Variants in C2orf92 observed in about 807,000 individuals in gnomAD.
C2orf92 encodes uncharacterized protein C2orf92.
intron 2 of C2orf92, 153 bp from the exon 3 acceptor site, chr2:97,675,692 T>C: frequency 5.0e-6 from 2 of 396,886 alleles, no homozygotes; most frequent in Non-Finnish European, 4.4e-6. Context: ...TTGCAGACAC[T>C]TCATGAATGC....
chr2:97,702,977 G>T lies in C2orf92; in HGVS notation c.*176G>T, dbSNP rs1158344639. The T allele has an allele frequency of 5.1e-6, 2 of 393,416 alleles. No individual in the cohort carries two copies. Among genetic ancestry groups the T allele is most frequent in the Admixed American group, 8.9e-5 (2 of 22,556 alleles). 24.4% of individuals were successfully genotyped at this position (393,416 alleles called of 1,614,324 possible). On this transcript the variant is annotated 3_prime_UTR_variant, in exon 8 of 8. Transcript: ENST00000627399. ...AAAACTGCTTTACCATAGGACACTT[G>T]TGGCAATATGGCACCGATGGCTGGC...
At chr2:97,680,170 A>G (rs548649130) in intron 3 of C2orf92, among the ~76,000 whole-genome samples, 1 of 151,772 alleles carries the variant, frequency 6.6e-6, no homozygotes, top group African/African-American at 2.4e-5. Context: ...GTGATGGTGC[A>G]TGCCTGTAAT....
chr2:97,681,106 C>CAAAAAAAAAAAA, intron 3 of C2orf92, among the ~76,000 whole-genome samples: 1 of 11,968 alleles, frequency 8.4e-5, no homozygotes, highest in South Asian at 4.5e-3. Context: ...GACTCCATCT[C>CAAAAAAAAAAAA]AAAAAAAAAA....
upstream of C2orf92, among the ~76,000 whole-genome samples, chr2:97,667,505 T>A (rs2104524322): frequency 6.7e-6 from 1 of 149,356 alleles, no homozygotes; most frequent in African/African-American, 2.5e-5. Flanking sequence ...CGGTCTCGGC[T>A]CACTGCAAGC....
At chr2:97,699,175 T>A in intron 6 of C2orf92, 39 bp downstream of exon 6, 1 of 398,484 alleles carries the variant, frequency 2.5e-6, no homozygotes. Context: ...GTATGATGCT[T>A]AAATACGGAC....
chr2:97,696,037 C>T (rs1350554782), intron 5 of C2orf92, among the ~76,000 whole-genome samples: 2 of 152,186 alleles, frequency 1.3e-5, no homozygotes, highest in African/African-American at 4.8e-5. Flanking sequence ...ATCTGTCCTA[C>T]CCAGTGGGAA....
Position 97,699,889 on chromosome 2 carries a change from T to C in C2orf92, c.514+753T>C, listed in dbSNP as rs974951365. 1.1e-4 allele frequency among the ~76,000 whole-genome samples: 16 copies of C among 152,260 alleles called. 1 individual carries two copies. The highest frequency in any genetic ancestry group is 2.4e-4 in the Non-Finnish European group (16 of 68,056). On this transcript the variant is annotated intron_variant, in intron 6 of 7. Coordinates refer to ENST00000627399, the MANE Select transcript of C2orf92 (RefSeq NM_001351368.2). Reference sequence around the variant, plus strand: ...AGAGCCTTAGAGCTGCTGGATACGCTGCCTCTTGGCATAGCATAGCTGAAG... The same window carrying C: ...AGAGCCTTAGAGCTGCTGGATACGCCGCCTCTTGGCATAGCATAGCTGAAG...
chr2:97,683,634 G>T (rs931853914), intron 3 of C2orf92, among the ~76,000 whole-genome samples: 4 of 148,914 alleles, frequency 2.7e-5, no homozygotes, highest in Non-Finnish European at 5.9e-5. Context: ...CCCAGCAAAA[G>T]AAAAATCTAC....
chr2:97,681,005 G>T (rs1385583481), intron 3 of C2orf92, among the ~76,000 whole-genome samples: 1 of 149,790 alleles, frequency 6.7e-6, no homozygotes, highest in Non-Finnish European at 1.5e-5. Context: ...TACTTGGGAG[G>T]TTGAGGCAGG....
At chr2:97,677,824 A>C (rs1675632536) in intron 3 of C2orf92, 2 of 152,208 alleles carry the variant, frequency 1.3e-5, no homozygotes, top group Admixed American at 1.3e-4. Flanking sequence ...AACTTAAGGA[A>C]ATCAGGAAAA....
At chr2:97,674,598 A>G (rs1033271012) in intron 2 of C2orf92, 41 bp downstream of exon 2, 5 of 398,382 alleles carry the variant, frequency 1.3e-5, no homozygotes, top group East Asian at 3.6e-5. Context: ...ACATACCTCT[A>G]CAGACCTCTG....
chr2:97,701,022 C>T (rs1026717660), intron 6 of C2orf92, 132 bp from the exon 7 acceptor site: 12 of 379,286 alleles, frequency 3.2e-5, no homozygotes, highest in Admixed American at 9.0e-5. Context: ...TGAGCCACCG[C>T]GCCCGGCCGA....
At chr2:97,692,635 C>G (rs919318376) in intron 5 of C2orf92, among the ~76,000 whole-genome samples, 1 of 152,196 alleles carries the variant, frequency 6.6e-6, no homozygotes, top group African/African-American at 2.4e-5. Flanking sequence ...GCCTCCAACT[C>G]CTGACCTCAG....
At chr2:97,680,702 G>A (rs1163224658) in intron 3 of C2orf92, among the ~76,000 whole-genome samples, 6 of 152,062 alleles carry the variant, frequency 3.9e-5, no homozygotes, top group Admixed American at 2.6e-4. Flanking sequence ...CGAGGCGGGC[G>A]GATCATGAGG....
At chr2:97,685,547 GAGCC>G (rs890406844) in intron 3 of C2orf92, among the ~76,000 whole-genome samples, 1 of 150,536 alleles carries the variant, frequency 6.6e-6, no homozygotes, top group African/African-American at 2.4e-5. Context: ...TTACAGGCGT[GAGCC>G]ACTGTGCTGG....
chr2:97,700,800 G>A (rs78899875), intron 6 of C2orf92, among the ~76,000 whole-genome samples: 4,283 of 151,190 alleles, frequency 0.028, 188 homozygotes, highest in African/African-American at 0.097. Context: ...CTCAGCTCAC[G>A]CTCACGGCAA....
At chr2:97,698,939 AGT>A (rs1676404137) in intron 5 of C2orf92, 85 bp from the exon 6 acceptor site, 3 of 396,368 alleles carry the variant, frequency 7.6e-6, no homozygotes, top group Non-Finnish European at 1.3e-5. Context: ...CCTCACTTTG[AGT>A]CTAGAAGAAG....
Position 97,699,485 on chromosome 2 carries a change from G to A in C2orf92, c.514+349G>A, listed in dbSNP as rs576818552. 2.7e-4 allele frequency among the ~76,000 whole-genome samples: 41 copies of A among 152,100 alleles called. No homozygotes were observed. In the East Asian group the frequency reaches 3.1e-3, roughly 11 times the overall value. ...GGCATGGTGGCGGGTGCCTGTAATC[G>A]CAGCTACTCGGGAGGCTGAGGCAGT... On this transcript the variant is annotated intron_variant, in intron 6 of 7. Coordinates refer to ENST00000627399, the MANE Select transcript of C2orf92 (RefSeq NM_001351368.2).
upstream of C2orf92, chr2:97,668,793 A>G (rs1410167668): frequency 6.6e-6 from 1 of 152,282 alleles, no homozygotes; most frequent in African/African-American, 2.4e-5. Context: ...AGCTGGGACT[A>G]TGGGTACTCG....
Sources: gnomAD v4.1 joint callset for allele counts (sites outside exome capture counted in the v4.1 genomes callset) on GRCh38, gnomAD v4.1.1 for gene constraint, MANE v1.5 for transcripts, NCBI Gene and HGNC (gene_info 2026-07-23, HGNC 2026-07-21) for gene names.